The following XKR6 variants were observed in gnomAD, a reference collection of about 807,000 sequenced individuals.
XKR6 encodes the protein XK related 6, also known as XK-related protein 6.
In XKR6, 22 loss-of-function variants were observed where a neutral mutation model predicts 56.7. The ratio of observed to expected loss-of-function variants is 0.39; its 90% CI spans 0.28 to 0.55. The LOEUF is 0.55. XKR6 is among the 20% of genes least tolerant of loss of function. The pLI, the probability that XKR6 is intolerant of heterozygous loss-of-function variation, is 0.66. For synonymous variants in XKR6, 524 were observed against 387.8 expected (o/e 1.35, Z -4.13); for missense variants, 852 against 889.0 (o/e 0.96, Z 0.53).
chr8:11,058,384 T>C (rs1444249365), intron 1 of XKR6, among the ~76,000 whole-genome samples: 2 of 152,236 alleles, frequency 1.3e-5, no homozygotes, highest in Non-Finnish European at 2.9e-5. Context: ...CGTATGTTTA[T>C]TGCAGCACTA....
At chr8:11,110,072 A>T (rs779669990) in intron 1 of XKR6, among the ~76,000 whole-genome samples, 2 of 152,164 alleles carry the variant, frequency 1.3e-5, no homozygotes, top group African/African-American at 2.4e-5. Context: ...TCCCGGGTTC[A>T]AGCAATTCTC....
chr8:11,065,362 T>C (rs759125725), intron 1 of XKR6, among the ~76,000 whole-genome samples: 4 of 152,212 alleles, frequency 2.6e-5, no homozygotes, highest in African/African-American at 4.8e-5. Context: ...GGTTCTATCA[T>C]GTAATCTTCA....
chr8:11,029,706 C>T (rs1798948952), intron 1 of XKR6, among the ~76,000 whole-genome samples: 1 of 152,098 alleles, frequency 6.6e-6, no homozygotes, highest in African/African-American at 2.4e-5. Context: ...ACCTCATTGT[C>T]CCTCCTTGCC....
intron 1 of XKR6, among the ~76,000 whole-genome samples, chr8:11,046,253 A>T: frequency 6.6e-6 from 1 of 152,106 alleles, no homozygotes; most frequent in East Asian, 1.9e-4. Flanking sequence ...TACAAAAATT[A>T]GCTGGGCATG....
intron 1 of XKR6, among the ~76,000 whole-genome samples, chr8:11,074,057 G>T (rs1296353662): frequency 1.3e-5 from 2 of 152,242 alleles, no homozygotes; most frequent in Non-Finnish European, 2.9e-5. Flanking sequence ...CAGAAGACTA[G>T]GAATTGGAGA....
At chr8:10,946,817 G>C (rs1036116747) in intron 1 of XKR6, among the ~76,000 whole-genome samples, 8 of 152,146 alleles carry the variant, frequency 5.3e-5, no homozygotes, top group African/African-American at 1.7e-4. Context: ...AGCAGGAAAG[G>C]CTTCTAATTC....
At chr8:10,957,267 C>A (rs1801917784) in intron 1 of XKR6, among the ~76,000 whole-genome samples, 1 of 152,182 alleles carries the variant, frequency 6.6e-6, no homozygotes, top group Admixed American at 6.5e-5. Flanking sequence ...CAGTCTTCAA[C>A]CTGCCCCATC....
At chr8:11,085,344 T>G (rs1169919217) in intron 1 of XKR6, among the ~76,000 whole-genome samples, 1 of 152,164 alleles carries the variant, frequency 6.6e-6, no homozygotes, top group African/African-American at 2.4e-5. Context: ...CCACATGCCA[T>G]GGGGTGCGGT....
chr8:10,947,162 A>G (rs751523545), intron 1 of XKR6, among the ~76,000 whole-genome samples: 11 of 152,176 alleles, frequency 7.2e-5, no homozygotes, highest in Non-Finnish European at 1.3e-4. Context: ...AGCTTGCTCC[A>G]TGGTGGTAAT....
intron 1 of XKR6, among the ~76,000 whole-genome samples, chr8:11,143,327 G>T (rs1227204859): frequency 6.6e-6 from 1 of 152,152 alleles, no homozygotes; most frequent in Non-Finnish European, 1.5e-5. Context: ...GACATGGCAA[G>T]ACCAAGTCCC....
rs1206865049 is a variant in XKR6, at chr8:11,201,411, G to A, written c.-72C>T. ...GGGGGGGGGGAAGAAGGCAGGGAAC[G>A]GGGAGGGGGGGAAACGAATGGAGAG... On this transcript the variant is annotated 5_prime_UTR_variant, in exon 1 of 3. Transcript: ENST00000416569. The A allele has an allele frequency of 1.1e-5, 7 of 627,934 alleles. No individual in the cohort carries two copies. In the Admixed American group the frequency reaches 1.2e-4, roughly 10 times the overall value. 38.9% of individuals were successfully genotyped at this position (627,934 alleles called of 1,614,324 possible).
At chr8:10,961,256 G>T (rs1260654861) in intron 1 of XKR6, among the ~76,000 whole-genome samples, 1 of 152,214 alleles carries the variant, frequency 6.6e-6, no homozygotes, top group Non-Finnish European at 1.5e-5. Flanking sequence ...GATCCCTCCG[G>T]CTCTAGTGTG....
At chr8:11,198,343 T>C (rs145616262) in intron 1 of XKR6, among the ~76,000 whole-genome samples, 5 of 152,316 alleles carry the variant, frequency 3.3e-5, no homozygotes, top group Non-Finnish European at 7.4e-5. Flanking sequence ...AATACTGCTT[T>C]TGAAGTATAG....
intron 1 of XKR6, among the ~76,000 whole-genome samples, chr8:11,026,800 G>A (rs1343622691): frequency 8.7e-6 from 1 of 115,226 alleles, no homozygotes; most frequent in Non-Finnish European, 1.8e-5. Flanking sequence ...GATGGTCTAG[G>A]CTACTACACC....
At chr8:11,111,325 C>G (rs1325538948) in intron 1 of XKR6, among the ~76,000 whole-genome samples, 4 of 152,132 alleles carry the variant, frequency 2.6e-5, no homozygotes, top group Non-Finnish European at 4.4e-5. Flanking sequence ...AGCTCCTTCT[C>G]TCTCCTCATT....
chr8:11,070,106 C>T (rs984185310), intron 1 of XKR6, among the ~76,000 whole-genome samples: 1 of 152,148 alleles, frequency 6.6e-6, no homozygotes, highest in Non-Finnish European at 1.5e-5. Context: ...ACATGGGAGT[C>T]CTGACAACAC....
In XKR6 at chr8:10,911,475, G is replaced by GTA. The variant is rs570717327; in HGVS notation, c.962-12561_962-12560dup. Among the ~76,000 whole-genome samples, 413 of 145,572 alleles carry GTA rather than the reference G, an allele frequency of 2.8e-3. 1 individual carries two copies. The highest frequency in any genetic ancestry group is 7.2e-3 in the Middle Eastern group (2 of 276). On this transcript the variant is annotated intron_variant, in intron 2 of 2. Coordinates refer to ENST00000416569, the MANE Select transcript of XKR6 (RefSeq NM_173683.4). ...ATATATAGAGAGAGAATATGTATGT[G>GTA]TATATATATATATAGAGAGAGAGGG...
intron 1 of XKR6, among the ~76,000 whole-genome samples, chr8:11,151,330 A>G (rs1369092320): frequency 6.6e-6 from 1 of 152,154 alleles, no homozygotes. Context: ...ATAATCATAC[A>G]CTGTGCATTT....
chr8:10,998,729 G>A (rs1307307385), intron 1 of XKR6, among the ~76,000 whole-genome samples: 1 of 152,168 alleles, frequency 6.6e-6, no homozygotes, highest in East Asian at 1.9e-4. Context: ...TTTCCGCTGG[G>A]CTCTCTGCAG....
Sources: allele counts gnomAD v4.1 joint callset (sites outside exome capture counted in the v4.1 genomes callset), GRCh38; gene constraint gnomAD v4.1.1; transcripts MANE v1.5; gene names NCBI Gene and HGNC (gene_info 2026-07-23, HGNC 2026-07-21).